Variants in LMBR1 observed in about 807,000 individuals in gnomAD.
The protein encoded by LMBR1 is limb region 1 protein homolog.
A neutral mutation model predicts 73.9 loss-of-function variants in LMBR1; 52 were observed. The ratio of observed to expected loss-of-function variants is 0.70; its 90% CI spans 0.56 to 0.89. The LOEUF (loss-of-function observed/expected upper bound fraction) is 0.89, where lower values mean the gene tolerates loss of function less well. Among genes scored for constraint, LMBR1 ranks in the 40% least tolerant of loss-of-function variants. The probability of loss-of-function intolerance (pLI) is 0.00; values close to 1 mark genes in which losing one functional copy is unlikely to be tolerated. For missense variants in LMBR1, 539 were observed against 579.8 expected (o/e 0.93, Z 0.72); for synonymous variants, 215 against 209.4 (o/e 1.03, Z -0.23).
chr7:156,703,028 T>C (rs1262766475), intron 15 of LMBR1, among the ~76,000 whole-genome samples: 1 of 152,046 alleles, frequency 6.6e-6, no homozygotes. Flanking sequence ...CCTTCTGGGG[T>C]CCACTTTCCC....
chr7:156,878,055 A>G (rs1265122670), intron 1 of LMBR1, among the ~76,000 whole-genome samples: 1 of 152,156 alleles, frequency 6.6e-6, no homozygotes, highest in Non-Finnish European at 1.5e-5. Flanking sequence ...ACATATCTCA[A>G]TGTAATAAAA....
rs138833509 is a variant in LMBR1, at chr7:156,763,986, A to G, written c.424-191T>C. 6.2e-4 allele frequency among the ~76,000 whole-genome samples: 94 copies of G among 152,272 alleles called. 1 individual carries two copies. Among genetic ancestry groups the G allele is most frequent in the African/African-American group, 2.2e-3 (92 of 41,586 alleles). ...GACTTTTCAAATTATGGAAAATATT[A>G]TTAAGCTTGGATAAAACACAAAAAA... is the stretch of plus-strand genomic sequence containing the variant. On this transcript the variant is annotated intron_variant, in intron 5 of 16. Coordinates refer to ENST00000353442, the MANE Select transcript of LMBR1 (RefSeq NM_022458.4).
intron 1 of LMBR1, among the ~76,000 whole-genome samples, chr7:156,855,966 C>T (rs1403745292): frequency 2.0e-5 from 3 of 152,028 alleles, no homozygotes; most frequent in African/African-American, 2.4e-5. Context: ...GAGGCCGAGG[C>T]GGGCAGATCA....
At chr7:156,890,812 G>C (rs111977561) in intron 1 of LMBR1, among the ~76,000 whole-genome samples, 4,429 of 152,198 alleles carry the variant, frequency 0.029, 99 homozygotes, top group South Asian at 0.084. Flanking sequence ...ATGAACAAAT[G>C]CACACTCTTT....
At chr7:156,702,261 T>C (rs1192157716) in intron 15 of LMBR1, among the ~76,000 whole-genome samples, 1 of 152,214 alleles carries the variant, frequency 6.6e-6, no homozygotes, top group East Asian at 1.9e-4. Context: ...AGTGTTCCTA[T>C]TTCTCCACCA....
chr7:156,891,034 T>C (rs1333518199), intron 1 of LMBR1, among the ~76,000 whole-genome samples: 2 of 150,958 alleles, frequency 1.3e-5, no homozygotes, highest in African/African-American at 2.4e-5. Context: ...CTAATAAAAA[T>C]AGAAAAATTA....
At chr7:156,845,623 T>C (rs10479648) in intron 1 of LMBR1, among the ~76,000 whole-genome samples, 10,297 of 151,544 alleles carry the variant, frequency 0.068, 395 homozygotes, top group East Asian at 0.15. Context: ...CATACCAGAC[T>C]GATGGTAACA....
intron 2 of LMBR1, among the ~76,000 whole-genome samples, chr7:156,836,473 G>A (rs542196052): frequency 1.4e-4 from 21 of 152,314 alleles, no homozygotes; most frequent in Admixed American, 2.6e-4. Context: ...GAAAAGGTAT[G>A]AGGTGTGGAT....
In LMBR1 at chr7:156,869,815, T is replaced by C. The variant is rs1241786893; in HGVS notation, c.66+23113A>G. Among the ~76,000 whole-genome samples, 4 of 152,138 alleles carry C rather than the reference T, an allele frequency of 2.6e-5. No individual in the cohort carries two copies. In the East Asian group the frequency reaches 5.8e-4, roughly 22 times the overall value. ...AGTAAAGAGATAATTAGATATTCCA[T>C]GCAAATAGTAATCAAGAAAGAGCAG... On this transcript the variant is annotated intron_variant, in intron 1 of 16. Transcript: ENST00000353442.
intron 15 of LMBR1, among the ~76,000 whole-genome samples, chr7:156,713,713 A>G (rs1215516704): frequency 6.6e-6 from 1 of 152,220 alleles, no homozygotes; most frequent in East Asian, 1.9e-4. Context: ...AGGTGTTTGT[A>G]TAAGTCAAAA....
In LMBR1 at chr7:156,735,548, GT is replaced by G. The variant is rs5888692; in HGVS notation, c.758-1292del. On this transcript the variant is annotated intron_variant, in intron 9 of 16. Coordinates refer to ENST00000353442, the MANE Select transcript of LMBR1 (RefSeq NM_022458.4). ...AGTTCTCTCAGTTTTTAAGAGTGGT[GT>G]TTTTTTTTTTTTCATTATGCAATTG... Among the ~76,000 whole-genome samples the G allele has an allele frequency of 3.8e-3, 545 of 142,182 alleles. 3 individuals are homozygous for G. The highest frequency in any genetic ancestry group is 4.6e-3 in the African/African-American group (176 of 38,614). 93.3% of individuals were successfully genotyped at this position (142,182 alleles called of 152,430 possible). A position where few individuals can be genotyped will look rare whatever the true frequency, so the allele number is the denominator to read the frequency against.
At chr7:156,803,878 C>T (rs1831493701) in intron 4 of LMBR1, among the ~76,000 whole-genome samples, 1 of 150,930 alleles carries the variant, frequency 6.6e-6, no homozygotes, top group African/African-American at 2.4e-5. Context: ...TCATTCTCAG[C>T]AAACTATCGC....
chr7:156,771,987 C>T (rs1230288637), intron 5 of LMBR1, among the ~76,000 whole-genome samples: 1 of 152,116 alleles, frequency 6.6e-6, no homozygotes, highest in African/African-American at 2.4e-5. Flanking sequence ...ACAAAAACCA[C>T]ATGATCAGCC....
At chr7:156,739,850 T>C (rs952620180) in intron 9 of LMBR1, among the ~76,000 whole-genome samples, 2 of 151,930 alleles carry the variant, frequency 1.3e-5, no homozygotes, top group African/African-American at 4.8e-5. Context: ...CTGACGAATA[T>C]CCACAAGCGT....
intron 1 of LMBR1, chr7:156,892,708 G>A (rs1036077443): frequency 2.7e-4 from 101 of 379,184 alleles, no homozygotes; most frequent in Non-Finnish European, 3.9e-4. Flanking sequence ...CGGGGGGGCA[G>A]GCAGAGGAAG....
rs1804869368 is a variant in LMBR1, at chr7:156,680,589, A to C, written c.*3489T>G. On this transcript the variant is annotated 3_prime_UTR_variant, in exon 17 of 17. Transcript: ENST00000353442. The stretch of plus-strand genomic sequence containing the variant: ...GCTGTTCAGTCCTTTTATGGAAAAA[A>C]TTAGAGAAATCAAGTCTAAATAATT... 6.5e-6 allele frequency: 1 copy of C among 152,892 alleles called. No individual in the cohort carries two copies. The highest frequency in any genetic ancestry group is 2.4e-5 in the African/African-American group (1 of 41,476). The allele number at this position is 152,892 out of a possible 1,614,324, so 9.5% of individuals were successfully genotyped here.
chr7:156,676,153 G>C, downstream of LMBR1: 1 of 1,090,730 alleles, frequency 9.2e-7, no homozygotes, highest in Non-Finnish European at 1.3e-6. Flanking sequence ...CCTTCAGTTT[G>C]AAATTCTGGA....
chr7:156,743,090 G>A (rs1388819789), intron 9 of LMBR1, among the ~76,000 whole-genome samples: 1 of 152,072 alleles, frequency 6.6e-6, no homozygotes, highest in African/African-American at 2.4e-5. Flanking sequence ...CTTGGATGGA[G>A]CGAAAAGATG....
intron 1 of LMBR1, among the ~76,000 whole-genome samples, chr7:156,889,918 C>T (rs1032315914): frequency 6.6e-6 from 1 of 151,980 alleles, no homozygotes; most frequent in Non-Finnish European, 1.5e-5. Context: ...GTGGGAGGAT[C>T]GCCTGAGCCT....
Sources: allele counts gnomAD v4.1 joint callset (sites outside exome capture counted in the v4.1 genomes callset), GRCh38; gene constraint gnomAD v4.1.1; transcripts MANE v1.5; gene names NCBI Gene and HGNC (gene_info 2026-07-23, HGNC 2026-07-21).